RASAL2: variants seen among roughly 807,000 people sequenced by gnomAD.
RASAL2 encodes RAS protein activator like 2.
Under a neutral mutation model 128.9 loss-of-function variants are expected in RASAL2, and 58 were observed. That is an observed-to-expected ratio of 0.45 (90% CI 0.36 to 0.56). The LOEUF (loss-of-function observed/expected upper bound fraction) is 0.56. Ranked by LOEUF, RASAL2 falls within the 20% of genes least tolerant of loss-of-function variation. RASAL2 has a pLI of 0.00. For synonymous variants in RASAL2, 561 were observed against 580.8 expected (o/e 0.97, Z 0.49); for missense variants, 1,360 against 1,601.6 (o/e 0.85, Z 2.57).
intron 1 of RASAL2, among the ~76,000 whole-genome samples, chr1:178,277,972 T>C (rs746579103): frequency 3.3e-5 from 5 of 152,328 alleles, no homozygotes; most frequent in Middle Eastern, 6.8e-3. Flanking sequence ...TTGTGAGACA[T>C]CACCCAGAGT....
At chr1:178,309,436 A>G (rs904168171) in intron 3 of RASAL2, among the ~76,000 whole-genome samples, 3 of 152,192 alleles carry the variant, frequency 2.0e-5, no homozygotes, top group African/African-American at 7.2e-5. Flanking sequence ...TATCAAAATC[A>G]TTATGAATAA....
At chr1:178,341,698 AT>A in intron 3 of RASAL2, 1 of 1,562,380 alleles carries the variant, frequency 6.4e-7, no homozygotes, top group Non-Finnish European at 8.8e-7. Context: ...TGCAGTGACT[AT>A]TTACCTTTAT....
chr1:178,241,656 A>G (rs1664503943), intron 1 of RASAL2, among the ~76,000 whole-genome samples: 2 of 152,228 alleles, frequency 1.3e-5, no homozygotes, highest in South Asian at 4.1e-4. Context: ...TTCCTCTCTC[A>G]GAAATGGATG....
intron 2 of RASAL2, among the ~76,000 whole-genome samples, chr1:178,299,270 T>C (rs1667654974): frequency 6.6e-6 from 1 of 152,190 alleles, no homozygotes; most frequent in African/African-American, 2.4e-5. Context: ...ATGAAATATT[T>C]TAAGATAATT....
At chr1:178,222,458 C>T (rs1371967507) in intron 1 of RASAL2, among the ~76,000 whole-genome samples, 3 of 151,826 alleles carry the variant, frequency 2.0e-5, no homozygotes, top group Non-Finnish European at 2.9e-5. Flanking sequence ...TATACATTTA[C>T]GATTAATTCA....
At chr1:178,151,862 C>T (rs368205122) in intron 1 of RASAL2, among the ~76,000 whole-genome samples, 5 of 152,262 alleles carry the variant, frequency 3.3e-5, no homozygotes, top group African/African-American at 9.6e-5. Context: ...ACCCAGAGGA[C>T]GTCTGTATAG....
chr1:178,241,729 A>G (rs1270621074), intron 1 of RASAL2, among the ~76,000 whole-genome samples: 1 of 152,226 alleles, frequency 6.6e-6, no homozygotes, highest in Non-Finnish European at 1.5e-5. Flanking sequence ...ACTTATCAGT[A>G]TATTATCTTG....
In RASAL2 at chr1:178,364,433, C is replaced by T. The variant is rs145887729; in HGVS notation, c.458-25667C>T. On this transcript the variant is annotated intron_variant, in intron 3 of 17. Coordinates refer to ENST00000367649, the MANE Select transcript of RASAL2 (RefSeq NM_170692.4). ...TTTCTCTGAACCTTAGTTTACTTAA[C>T]TATAAAATGGGAAAAATGTTACTAC... is the stretch of plus-strand genomic sequence containing the variant. Among the ~76,000 whole-genome samples, 24 of 152,212 alleles carry T rather than the reference C, an allele frequency of 1.6e-4. No individual in the cohort carries two copies. In the East Asian group the frequency reaches 2.9e-3, roughly 18 times the overall value.
chr1:178,321,268 G>T (rs1371750399), intron 3 of RASAL2, among the ~76,000 whole-genome samples: 1 of 151,956 alleles, frequency 6.6e-6, no homozygotes, highest in Non-Finnish European at 1.5e-5. Context: ...ATTTTTAGTA[G>T]AGACAGGGTT....
At chr1:178,155,285 A>G (rs1402388843) in intron 1 of RASAL2, among the ~76,000 whole-genome samples, 1 of 152,054 alleles carries the variant, frequency 6.6e-6, no homozygotes, top group Admixed American at 6.5e-5. Context: ...GATCTAGACT[A>G]CTCAATTCTG....
intron 3 of RASAL2, among the ~76,000 whole-genome samples, chr1:178,300,384 G>T (rs1278326786): frequency 1.3e-5 from 2 of 152,172 alleles, no homozygotes; most frequent in Non-Finnish European, 2.9e-5. Flanking sequence ...TGTTGCTTCT[G>T]GGTTTATTGC....
intron 1 of RASAL2, among the ~76,000 whole-genome samples, chr1:178,153,789 A>G (rs1446606574): frequency 6.6e-6 from 1 of 152,066 alleles, no homozygotes; most frequent in African/African-American, 2.4e-5. Context: ...TCTTGTGTAT[A>G]TAGACATCAA....
chr1:178,304,465 G>A (rs187819309), intron 3 of RASAL2, among the ~76,000 whole-genome samples: 2 of 152,290 alleles, frequency 1.3e-5, no homozygotes, highest in Non-Finnish European at 2.9e-5. Context: ...TGAGGCTACC[G>A]TGAGCTGAGA....
intron 8 of RASAL2, 104 bp downstream of exon 8, chr1:178,443,333 T>G: frequency 9.3e-7 from 1 of 1,076,670 alleles, no homozygotes; most frequent in Non-Finnish European, 1.3e-6. Flanking sequence ...TGTGCTTTAC[T>G]ATTGGTCAAA....
At position 178,476,185 on chromosome 1, in the gene RASAL2, G is replaced by C. The variant is rs1345780385; in HGVS notation, c.*2946G>C. 2 of 152,252 alleles carry C rather than the reference G, an allele frequency of 1.3e-5. No homozygotes were observed. The highest frequency in any genetic ancestry group is 4.1e-4 in the South Asian group (2 of 4,828). 9.4% of individuals were successfully genotyped at this position (152,252 alleles called of 1,614,324 possible). A position where few individuals can be genotyped will look rare whatever the true frequency, so the allele number is the denominator to read the frequency against. On this transcript the variant is annotated 3_prime_UTR_variant, in exon 18 of 18. Transcript: ENST00000367649. ...GTGGGGCGCAGGATAGATCAGGGTT[G>C]AGTGGAATTTGGAATTCAGGTGAAG... is the stretch of plus-strand genomic sequence containing the variant.
rs572729181 is a variant in RASAL2 at position 178,145,189 on chromosome 1, A to G, written c.202+50495A>G. Among the ~76,000 whole-genome samples the G allele has an allele frequency of 2.6e-5, 4 of 152,254 alleles. No individual in the cohort carries two copies. In the East Asian group the frequency reaches 5.8e-4, roughly 22 times the overall value. On this transcript the variant is annotated intron_variant, in intron 1 of 17. Coordinates refer to ENST00000367649, the MANE Select transcript of RASAL2 (RefSeq NM_170692.4). ...GTAATACTTAAGTTTAGAAACATAT[A>G]TCACATGACAAGTCCATTGTTTATT...
intron 4 of RASAL2, among the ~76,000 whole-genome samples, chr1:178,395,491 C>T (rs1673156139): frequency 6.6e-6 from 1 of 151,962 alleles, no homozygotes; most frequent in Non-Finnish European, 1.5e-5. Context: ...TTCAGATGAC[C>T]AATGTAAATT....
Position 178,239,265 on chromosome 1 carries a change from G to A in RASAL2, c.203-44299G>A, listed in dbSNP as rs528184444. On this transcript the variant is annotated intron_variant, in intron 1 of 17. Coordinates refer to ENST00000367649, the MANE Select transcript of RASAL2 (RefSeq NM_170692.4). ...AACTAAAGAGTATTTTGAAAGCTAT[G>A]TGTGTGGTTTGTTGTTCTGAAGTAA... Among the ~76,000 whole-genome samples the A allele has an allele frequency of 3.3e-5, 5 of 152,192 alleles. No individual in the cohort carries two copies. The East Asian group carries it at 9.6e-4, about 29-fold the overall frequency.
intron 1 of RASAL2, 89 bp downstream of exon 1, chr1:178,094,783 T>C: frequency 6.7e-7 from 1 of 1,484,220 alleles, no homozygotes; most frequent in African/African-American, 1.4e-5. Context: ...TCATTCCCAG[T>C]CCTCATCCGT....
Sources: gnomAD v4.1 joint callset for allele counts (sites outside exome capture counted in the v4.1 genomes callset) on GRCh38, gnomAD v4.1.1 for gene constraint, MANE v1.5 for transcripts, NCBI Gene and HGNC (gene_info 2026-07-23, HGNC 2026-07-21) for gene names.